GPM6A: variants seen among roughly 807,000 people sequenced by gnomAD.
GPM6A encodes the protein glycoprotein M6A.
GPM6A carries 7 observed loss-of-function variants against 32.1 expected under a neutral mutation model. That is an observed-to-expected ratio of 0.22 (90% CI 0.12 to 0.41). GPM6A has a LOEUF of 0.41. Among genes scored for constraint, GPM6A ranks in the 10% least tolerant of loss-of-function variants. The probability of loss-of-function intolerance (pLI) is 1.00; values close to 1 mark genes in which losing one functional copy is unlikely to be tolerated. For missense variants in GPM6A, 235 were observed against 347.2 expected (o/e 0.68, Z 2.57); for synonymous variants, 130 against 123.4 (o/e 1.05, Z -0.35).
upstream of GPM6A, chr4:175,812,298 GGGGTTTTTTTTTTTTTTTTTTTTTTTTT>G: frequency 2.9e-5 from 5 of 174,204 alleles, no homozygotes; most frequent in Non-Finnish European, 3.6e-5. Flanking sequence ...GGAAAAACTG[GGGGTTTTTTTTTTTTTTTTTTTTTTTTT>G]TTTTTTTTTT....
intron 1 of GPM6A, among the ~76,000 whole-genome samples, chr4:175,928,888 A>G (rs1738933468): frequency 6.6e-6 from 1 of 152,240 alleles, no homozygotes. Flanking sequence ...ATGAAGCTCT[A>G]CTGAAAAGAC....
intron 1 of GPM6A, among the ~76,000 whole-genome samples, chr4:175,993,012 T>C (rs1440498067): frequency 6.6e-6 from 1 of 152,166 alleles, no homozygotes; most frequent in Non-Finnish European, 1.5e-5. Flanking sequence ...GCATTTTCAG[T>C]GTCTGCCTTT....
chr4:175,935,937 C>T (rs1579642523), intron 1 of GPM6A, among the ~76,000 whole-genome samples: 1 of 150,890 alleles, frequency 6.6e-6, no homozygotes, highest in African/African-American at 2.4e-5. Flanking sequence ...GTTTTAAAAT[C>T]AATGAACCAT....
chr4:175,725,331 A>AC (rs1746349761), intron 1 of GPM6A, among the ~76,000 whole-genome samples: 1 of 148,836 alleles, frequency 6.7e-6, no homozygotes, highest in Non-Finnish European at 1.5e-5. Context: ...TTGCTCTGTC[A>AC]CCCAGGCTGG....
intron 1 of GPM6A, among the ~76,000 whole-genome samples, chr4:175,755,762 A>G (rs1560915482): frequency 6.6e-6 from 1 of 152,168 alleles, no homozygotes; most frequent in Non-Finnish European, 1.5e-5. Flanking sequence ...TTCCTGGATG[A>G]GTCAAATATT....
intron 1 of GPM6A, among the ~76,000 whole-genome samples, chr4:175,710,468 A>C (rs528389463): frequency 1.3e-5 from 2 of 151,632 alleles, no homozygotes; most frequent in Admixed American, 1.3e-4. Context: ...TTCTTGGATT[A>C]TTTATTTTCG....
chr4:175,853,866 T>C (rs1736337106), intron 1 of GPM6A, among the ~76,000 whole-genome samples: 1 of 152,180 alleles, frequency 6.6e-6, no homozygotes, highest in African/African-American at 2.4e-5. Flanking sequence ...CTTAACTATT[T>C]CACTATCAAA....
At chr4:175,815,211 C>T (rs987954088), upstream of GPM6A, among the ~76,000 whole-genome samples, 5 of 152,098 alleles carry the variant, frequency 3.3e-5, no homozygotes, top group Non-Finnish European at 7.3e-5. Flanking sequence ...GGGTTGGTTT[C>T]ACCATGTTGG....
intron 1 of GPM6A, among the ~76,000 whole-genome samples, chr4:175,976,142 G>A (rs1298042182): frequency 6.7e-6 from 1 of 149,812 alleles, no homozygotes; most frequent in Non-Finnish European, 1.5e-5. Context: ...CACATTTGTG[G>A]CTTAAATATG....
At chr4:175,941,497 G>C (rs1398976690) in intron 1 of GPM6A, among the ~76,000 whole-genome samples, 2 of 152,086 alleles carry the variant, frequency 1.3e-5, no homozygotes, top group African/African-American at 4.8e-5. Context: ...CCATCAACCT[G>C]TCATCTACAT....
At chr4:175,875,066 C>G (rs961521087) in intron 1 of GPM6A, among the ~76,000 whole-genome samples, 5 of 152,134 alleles carry the variant, frequency 3.3e-5, no homozygotes, top group African/African-American at 4.8e-5. Flanking sequence ...CCCAGTACAT[C>G]CAAGAGGCAG....
intron 1 of GPM6A, among the ~76,000 whole-genome samples, chr4:175,936,072 G>A (rs963221160): frequency 6.6e-6 from 1 of 151,470 alleles, no homozygotes; most frequent in Admixed American, 6.6e-5. Flanking sequence ...TTGGGAGGCC[G>A]AGGGGGGTGG....
chr4:175,708,389 T>TTATTTATG (rs1392231839), intron 1 of GPM6A, among the ~76,000 whole-genome samples: 1 of 150,970 alleles, frequency 6.6e-6, no homozygotes, highest in Non-Finnish European at 1.5e-5. Context: ...ATTTATTTAT[T>TTATTTATG]TATTTATTTA....
chr4:175,922,122 T>A (rs899440765), intron 1 of GPM6A, among the ~76,000 whole-genome samples: 2 of 152,222 alleles, frequency 1.3e-5, no homozygotes, highest in African/African-American at 4.8e-5. Flanking sequence ...ATGGAGCTTC[T>A]AATACATCAG....
At chr4:175,904,906 C>T (rs369154562) in intron 1 of GPM6A, among the ~76,000 whole-genome samples, 8 of 152,052 alleles carry the variant, frequency 5.3e-5, no homozygotes, top group East Asian at 1.9e-4. Context: ...TTAAACCAGA[C>T]GGATATTGTA....
intron 3 of GPM6A, among the ~76,000 whole-genome samples, chr4:175,668,137 A>T (rs886942204): frequency 6.6e-6 from 1 of 152,140 alleles, no homozygotes; most frequent in Non-Finnish European, 1.5e-5. Flanking sequence ...AGAAAAAATA[A>T]GAACTTTATT....
At position 175,974,338 on chromosome 4, in the gene GPM6A, CTTGT is replaced by C. The variant is rs368018347; in HGVS notation, c.-23+27967_-23+27970del. Among the ~76,000 whole-genome samples, 1,363 of 152,006 alleles carry C rather than the reference CTTGT, an allele frequency of 9.0e-3. 10 individuals are homozygous for C. Among genetic ancestry groups the C allele is most frequent in the Non-Finnish European group, 0.012 (803 of 67,954 alleles). ...ACCCTGAAAAAAGCTTCCTAAATGC[CTTGT>C]TTGTTTGTTTGTTTGATCGATTGTT... On this transcript the variant is annotated intron_variant, in intron 1 of 7. Transcript: ENST00000280187.
intron 1 of GPM6A, among the ~76,000 whole-genome samples, chr4:175,758,032 C>T (rs562412509): frequency 2.6e-5 from 4 of 152,264 alleles, no homozygotes; most frequent in African/African-American, 7.2e-5. Flanking sequence ...TAAGTGCCAT[C>T]ACACAATGGA....
intron 1 of GPM6A, among the ~76,000 whole-genome samples, chr4:175,798,207 C>T (rs1322033851): frequency 7.2e-5 from 11 of 152,186 alleles, no homozygotes; most frequent in Admixed American, 7.2e-4. Flanking sequence ...TTAATAGTCA[C>T]TCTTCTAAGT....
Sources: gnomAD v4.1 joint callset for allele counts (sites outside exome capture counted in the v4.1 genomes callset) on GRCh38, gnomAD v4.1.1 for gene constraint, MANE v1.5 for transcripts, NCBI Gene and HGNC (gene_info 2026-07-23, HGNC 2026-07-21) for gene names.